ENAH: variants seen among roughly 807,000 people sequenced by gnomAD.
ENAH encodes the protein ENAH actin regulator, also known as protein enabled homolog.
In ENAH, 23 loss-of-function variants were observed where a neutral mutation model predicts 78.7. The ratio of observed to expected loss-of-function variants is 0.29; its 90% confidence interval spans 0.21 to 0.41. The LOEUF (loss-of-function observed/expected upper bound fraction) is 0.41. Ranked by LOEUF, ENAH falls within the 10% of genes least tolerant of loss-of-function variation. ENAH has a pLI of 1.00. For missense variants in ENAH, 544 were observed against 691.0 expected, an observed-to-expected ratio of 0.79 and a Z score of 2.39; for synonymous variants, 226 against 241.0, an observed-to-expected ratio of 0.94 and a Z score of 0.58.
At chr1:225,526,338 C>T (rs193201303) in intron 4 of ENAH, among the ~76,000 whole-genome samples, 6,239 of 143,770 alleles carry the variant, frequency 0.043, 217 homozygotes, top group South Asian at 0.11. Flanking sequence ...CTCTCTCTCT[C>T]TTTTTTTTTT....
chr1:225,530,030 C>T (rs1452307851), intron 4 of ENAH, among the ~76,000 whole-genome samples: 1 of 152,210 alleles, frequency 6.6e-6, no homozygotes, highest in Non-Finnish European at 1.5e-5. Flanking sequence ...TCCTGGTACT[C>T]CAAAGGTTAG....
intron 1 of ENAH, among the ~76,000 whole-genome samples, chr1:225,645,938 A>G (rs1034202111): frequency 8.5e-5 from 13 of 152,232 alleles, no homozygotes; most frequent in Admixed American, 1.3e-4. Flanking sequence ...TACCCAAAGT[A>G]GTCTTTGGAA....
At chr1:225,542,104 A>T (rs1481179777) in intron 3 of ENAH, among the ~76,000 whole-genome samples, 1 of 152,144 alleles carries the variant, frequency 6.6e-6, no homozygotes, top group Non-Finnish European at 1.5e-5. Flanking sequence ...CTGGTCTTAA[A>T]ATCTTGACCT....
At chr1:225,553,807 A>C (rs2151420241) in intron 3 of ENAH, among the ~76,000 whole-genome samples, 1 of 152,332 alleles carries the variant, frequency 6.6e-6, no homozygotes, top group Non-Finnish European at 1.5e-5. Flanking sequence ...CTCAAACTAG[A>C]CAAAATATGC....
chr1:225,531,249 AATGTAACAGGTAATTTT>A (rs2096535990), intron 3 of ENAH, among the ~76,000 whole-genome samples: 1 of 152,148 alleles, frequency 6.6e-6, no homozygotes, highest in African/African-American at 2.4e-5. Context: ...CTGAATTTTT[AATGTAACAGGTAATTTT>A]AAGTTTTCAT....
intron 4 of ENAH, among the ~76,000 whole-genome samples, chr1:225,525,577 T>C: frequency 6.6e-6 from 1 of 152,198 alleles, no homozygotes; most frequent in East Asian, 1.9e-4. Flanking sequence ...CCGGATGGGC[T>C]ATTCCCTAGG....
rs117223658 is a variant in ENAH at position 225,523,976 on chromosome 1, C to T, written c.435-4411G>A. On this transcript the variant is annotated intron_variant, in intron 4 of 13. Coordinates refer to ENST00000366843, the MANE Select transcript of ENAH (RefSeq NM_018212.6). ...AATTCTGAACCATGAAAAATCCTGACGGACTACTTTAATTTTTCTTTTAAG... is the reference window on the plus strand; with the variant it reads ...AATTCTGAACCATGAAAAATCCTGATGGACTACTTTAATTTTTCTTTTAAG... 3.4e-4 allele frequency among the ~76,000 whole-genome samples: 51 copies of T among 152,214 alleles called. No individual in the cohort carries two copies. In the East Asian group the frequency reaches 9.1e-3, roughly 27 times the overall value.
intron 3 of ENAH, among the ~76,000 whole-genome samples, chr1:225,547,767 A>G (rs2096621822): frequency 6.6e-6 from 1 of 152,190 alleles, no homozygotes; most frequent in Non-Finnish European, 1.5e-5. Flanking sequence ...TTGTACAGGT[A>G]TGCTATTCCT....
In ENAH at chr1:225,514,872, T is replaced by G. The variant is rs145188989; in HGVS notation, c.942A>C (p.Pro314=). The G allele has an allele frequency of 5.5e-5, 88 of 1,607,194 alleles. No homozygotes were observed. The African/African-American group carries it at 1.0e-3, about 19-fold the overall frequency. Residue 314 remains proline, a synonymous_variant, in exon 7 of 14, where the codon CCA becomes CCC. Coordinates refer to ENST00000366843, the MANE Select transcript of ENAH (RefSeq NM_018212.6). ...GCCCTGGTGGGAGTGGTGGAGGAGG[T>G]GGAGGTGCAAGTGGTCCCAAGACAA... is the stretch of plus-strand genomic sequence containing the variant. ...QGIVLGPLAP[P]PPPPLPPGPA...
chr1:225,568,563 G>A (rs892658639), intron 1 of ENAH, among the ~76,000 whole-genome samples: 1 of 152,106 alleles, frequency 6.6e-6, no homozygotes, highest in Non-Finnish European at 1.5e-5. Flanking sequence ...GAAGTAGCTC[G>A]TGCAACCACA....
chr1:225,610,777 C>T (rs1479003059), intron 1 of ENAH, among the ~76,000 whole-genome samples: 1 of 152,158 alleles, frequency 6.6e-6, no homozygotes, highest in Non-Finnish European at 1.5e-5. Flanking sequence ...GTACGATCAA[C>T]CACTCCAAAA....
intron 1 of ENAH, among the ~76,000 whole-genome samples, chr1:225,601,083 A>G (rs1391001709): frequency 6.6e-6 from 1 of 152,206 alleles, no homozygotes; most frequent in Non-Finnish European, 1.5e-5. Flanking sequence ...CACTTCAAAC[A>G]GGTCTTAAAA....
rs71574533 is a variant in ENAH at position 225,614,061 on chromosome 1, ATT to A, written c.5+38623_5+38624del. On this transcript the variant is annotated intron_variant, in intron 1 of 13. Transcript: ENST00000366843. Reference sequence around the variant, plus strand: ...TTATGTTTACCCATTTATTAGAAAGATTTTTTTTTTTTTTTGAGATGGAGTCT... The same window carrying A: ...TTATGTTTACCCATTTATTAGAAAGATTTTTTTTTTTTTGAGATGGAGTCT... Among the ~76,000 whole-genome samples the A allele has an allele frequency of 6.2e-5, 9 of 144,416 alleles. No individual in the cohort carries two copies. In the East Asian group the frequency reaches 1.0e-3, roughly 16 times the overall value. The allele number at this position is 144,416 out of a possible 152,430, so 94.7% of individuals were successfully genotyped here.
chr1:225,563,962 T>C (rs1222824542), intron 2 of ENAH, among the ~76,000 whole-genome samples: 2 of 152,212 alleles, frequency 1.3e-5, no homozygotes, highest in Non-Finnish European at 2.9e-5. Context: ...TCTTCAGTTT[T>C]AGAAAGTTAC....
intron 2 of ENAH, among the ~76,000 whole-genome samples, chr1:225,563,533 G>C (rs2096719287): frequency 6.6e-6 from 1 of 152,046 alleles, no homozygotes; most frequent in Non-Finnish European, 1.5e-5. Flanking sequence ...AGAACCTCTT[G>C]CTTTTGTAGG....
chr1:225,647,399 G>A (rs1187409008), intron 1 of ENAH, among the ~76,000 whole-genome samples: 4 of 152,084 alleles, frequency 2.6e-5, no homozygotes, highest in Non-Finnish European at 5.9e-5. Flanking sequence ...TAATCATAAA[G>A]TCAAGTAAAC....
At chr1:225,544,061 TG>T (rs2151347055) in intron 3 of ENAH, among the ~76,000 whole-genome samples, 1 of 152,318 alleles carries the variant, frequency 6.6e-6, no homozygotes, top group African/African-American at 2.4e-5. Flanking sequence ...TGCTGTGTGT[TG>T]TGAATGGTCT....
intron 9 of ENAH, 21 bp from the exon 10 acceptor site, chr1:225,511,880 T>C (rs565461358): frequency 3.3e-6 from 5 of 1,521,862 alleles, no homozygotes; most frequent in Non-Finnish European, 4.5e-6. Context: ...AGATATATAT[T>C]AATATCACAT....
chr1:225,522,221 G>A (rs1462205572), intron 4 of ENAH, among the ~76,000 whole-genome samples: 13 of 152,074 alleles, frequency 8.5e-5, no homozygotes, highest in Middle Eastern at 3.2e-3. Context: ...TCCTTCCAGC[G>A]GTACCAACAC....
Sources: allele counts gnomAD v4.1 joint callset (sites outside exome capture counted in the v4.1 genomes callset), GRCh38; gene constraint gnomAD v4.1.1; transcripts MANE v1.5; gene names NCBI Gene and HGNC (gene_info 2026-07-23, HGNC 2026-07-21).